CATSPER3: variants seen among roughly 807,000 people sequenced by gnomAD.
CATSPER3 encodes the protein cation channel sperm-associated protein 3.
CATSPER3 carries 23 observed loss-of-function variants against 36.6 expected under a neutral mutation model. The observed-to-expected ratio is 0.63, with a 90% CI of 0.45 to 0.89. The LOEUF (loss-of-function observed/expected upper bound fraction) is 0.89, where lower values mean the gene tolerates loss of function less well. CATSPER3 is among the 40% of genes least tolerant of loss of function. The pLI, the probability that CATSPER3 is intolerant of heterozygous loss-of-function variation, is 0.00. For synonymous variants in CATSPER3, 172 were observed against 184.1 expected (o/e 0.93, Z 0.53); for missense variants, 474 against 503.9 (o/e 0.94, Z 0.57).
At chr5:134,976,188 A>G (rs913721515) in intron 2 of CATSPER3, among the ~76,000 whole-genome samples, 6 of 152,230 alleles carry the variant, frequency 3.9e-5, no homozygotes, top group Non-Finnish European at 7.3e-5. Context: ...CAGGCTGTAC[A>G]GGAAGCATAG....
chr5:134,998,733 G>T (rs1417400310), intron 3 of CATSPER3, among the ~76,000 whole-genome samples: 1 of 152,164 alleles, frequency 6.6e-6, no homozygotes, highest in African/African-American at 2.4e-5. Context: ...GAGAGTGTCT[G>T]TTCATATCCT....
At chr5:134,970,945 C>T (rs540946937) in intron 2 of CATSPER3, among the ~76,000 whole-genome samples, 1 of 151,846 alleles carries the variant, frequency 6.6e-6, no homozygotes, top group Admixed American at 6.6e-5. Flanking sequence ...AGTGGGACTC[C>T]TATCTCTCTT....
intron 6 of CATSPER3, 44 bp from the exon 7 acceptor site, chr5:135,010,304 CTCCATGTCTCTGTGCAGCTCGGCTG>C: frequency 7.2e-7 from 1 of 1,385,568 alleles, no homozygotes; most frequent in Non-Finnish European, 1.0e-6. Context: ...CCTGGAGAGT[CTCCATGTCTCTGTGCAGCTCGGCTG>C]TCACCTCCTC....
chr5:135,006,845 A>AT (rs1752094368), intron 3 of CATSPER3, among the ~76,000 whole-genome samples: 1 of 107,712 alleles, frequency 9.3e-6, no homozygotes, highest in African/African-American at 2.8e-5. Flanking sequence ...CGAAAAAAAA[A>AT]AAAAATAATA....
At chr5:135,002,214 A>T (rs1752028716) in intron 3 of CATSPER3, among the ~76,000 whole-genome samples, 2 of 152,010 alleles carry the variant, frequency 1.3e-5, no homozygotes, top group African/African-American at 4.8e-5. Flanking sequence ...TTTCTCCTTC[A>T]CTTATGAAGC....
intron 2 of CATSPER3, among the ~76,000 whole-genome samples, chr5:134,989,952 AACTG>A (rs1373279250): frequency 6.6e-6 from 1 of 152,130 alleles, no homozygotes; most frequent in African/African-American, 2.4e-5. Flanking sequence ...TAGGGTTATT[AACTG>A]ACCTAACTTC....
intron 2 of CATSPER3, among the ~76,000 whole-genome samples, chr5:134,992,767 G>A (rs557024446): frequency 5.9e-5 from 9 of 152,254 alleles, no homozygotes; most frequent in East Asian, 5.8e-4. Context: ...AACAAGTGTC[G>A]GTGAAGATGT....
intron 3 of CATSPER3, among the ~76,000 whole-genome samples, chr5:135,006,850 AT>A (rs66977335): frequency 0.69 from 86,446 of 125,900 alleles, 31,675 homozygotes; most frequent in East Asian, 0.93. Context: ...AAAAAAAAAA[AT>A]AATAATAATA....
In CATSPER3 at chr5:135,010,454, G is replaced by T. The variant is rs761386655; in HGVS notation, c.1018G>T (p.Asp340Tyr). Reference protein sequence around the residue: ...TLSHTDPMVLDDFGTSLPFID... With the variant: ...TLSHTDPMVLYDFGTSLPFID... ...GAGCCACACTGACCCAATGGTCTTG[G>T]ATGATTTTGGCACTAGCTTACCCTT... Residue 340 changes from aspartate to tyrosine, a missense_variant, in exon 7 of 8, where the codon GAT (aspartate) becomes TAT (tyrosine). By Grantham distance (160) the Asp-to-Tyr change is radical (BLOSUM62 -3). Coordinates refer to ENST00000282611, the MANE Select transcript of CATSPER3 (RefSeq NM_178019.3). 1 of 1,613,826 alleles carries T rather than the reference G, an allele frequency of 6.2e-7. No homozygotes were observed. Among genetic ancestry groups the T allele is most frequent in the East Asian group, 2.2e-5 (1 of 44,888 alleles).
chr5:134,985,541 TA>T (rs1013405139), intron 2 of CATSPER3, among the ~76,000 whole-genome samples: 16 of 152,074 alleles, frequency 1.1e-4, no homozygotes, highest in African/African-American at 3.9e-4. Flanking sequence ...TTGCACCTAA[TA>T]GGTAGTCTAA....
chr5:134,996,630 G>A (rs1322500157), intron 3 of CATSPER3, 118 bp downstream of exon 3: 1 of 911,926 alleles, frequency 1.1e-6, no homozygotes, highest in Non-Finnish European at 1.7e-6. Context: ...TCCAACGTGT[G>A]TGGCAGGTTG....
chr5:134,986,707 C>T (rs934467547), intron 2 of CATSPER3, among the ~76,000 whole-genome samples: 8 of 152,140 alleles, frequency 5.3e-5, no homozygotes, highest in African/African-American at 1.9e-4. Flanking sequence ...AGGTGATCCA[C>T]CTGCCTCAGC....
chr5:135,003,211 A>C (rs560449297), intron 3 of CATSPER3, among the ~76,000 whole-genome samples: 6 of 152,306 alleles, frequency 3.9e-5, no homozygotes, highest in African/African-American at 1.4e-4. Flanking sequence ...AGTTTGCTGG[A>C]GGTCCACTCC....
At position 134,970,313 on chromosome 5, in the gene CATSPER3, C is replaced by T. The variant is rs137937660; in HGVS notation, c.252+221C>T. Among the ~76,000 whole-genome samples, 564 of 152,162 alleles carry T rather than the reference C, an allele frequency of 3.7e-3. 7 individuals are homozygous for T. The highest frequency in any genetic ancestry group is 0.037 in the East Asian group (190 of 5,156). ...AATAGCTGGGATTATAGGCACCCGCCACCACGCCCAGCTAATTTTGTATTT... is the reference window on the plus strand; with the variant it reads ...AATAGCTGGGATTATAGGCACCCGCTACCACGCCCAGCTAATTTTGTATTT... On this transcript the variant is annotated intron_variant, in intron 2 of 7. Coordinates refer to ENST00000282611, the MANE Select transcript of CATSPER3 (RefSeq NM_178019.3).
intron 2 of CATSPER3, among the ~76,000 whole-genome samples, chr5:134,978,580 C>T (rs144700536): frequency 6.6e-6 from 1 of 152,072 alleles, no homozygotes; most frequent in Non-Finnish European, 1.5e-5. Flanking sequence ...TTTCACCACT[C>T]CTATTTAACA....
chr5:135,003,230 T>A (rs1311225512), intron 3 of CATSPER3, among the ~76,000 whole-genome samples: 2 of 152,214 alleles, frequency 1.3e-5, no homozygotes, highest in African/African-American at 2.4e-5. Context: ...CCAGACCCTG[T>A]TTGCCTGGGT....
At position 134,996,357 on chromosome 5, in the gene CATSPER3, G is replaced by A. The variant is rs934184077; in HGVS notation, c.337G>A (p.Gly113Ser). 51 of 1,614,100 alleles carry A rather than the reference G, an allele frequency of 3.2e-5. No individual in the cohort carries two copies. In the Admixed American group the frequency reaches 3.3e-4, roughly 11 times the overall value. ...YVDPINYWKN[G>S]YNLLDVIIII... is the part of the protein sequence containing the mutation. The stretch of plus-strand genomic sequence containing the variant: ...GGACCCCATCAACTACTGGAAGAAC[G>A]GCTACAACCTGCTGGATGTGATCAT... Residue 113 changes from glycine to serine, a missense_variant, in exon 3 of 8, where the codon GGC becomes AGC. Transcript: ENST00000282611.
chr5:134,971,215 C>T (rs1751602260), intron 2 of CATSPER3, among the ~76,000 whole-genome samples: 1 of 152,070 alleles, frequency 6.6e-6, no homozygotes, highest in Non-Finnish European at 1.5e-5. Context: ...TCCCAGAGTG[C>T]AGGTATTACA....
intron 3 of CATSPER3, among the ~76,000 whole-genome samples, chr5:135,000,362 G>T (rs1289700746): frequency 6.6e-6 from 1 of 152,224 alleles, no homozygotes; most frequent in Non-Finnish European, 1.5e-5. Context: ...GTTCATCAGG[G>T]ATATTGGTCT....
Sources: gnomAD v4.1 joint callset for allele counts (sites outside exome capture counted in the v4.1 genomes callset) on GRCh38, gnomAD v4.1.1 for gene constraint, MANE v1.5 for transcripts, NCBI Gene and HGNC (gene_info 2026-07-23, HGNC 2026-07-21) for gene names.